JAKMIP3: variants seen among roughly 807,000 people sequenced by gnomAD.
The protein encoded by JAKMIP3 is Janus kinase and microtubule interacting protein 3, also known as janus kinase and microtubule-interacting protein 3.
A neutral mutation model predicts 118.5 loss-of-function variants in JAKMIP3; 58 were observed. The observed-to-expected ratio is 0.49, with a 90% CI of 0.40 to 0.61. The LOEUF (loss-of-function observed/expected upper bound fraction) is 0.61, where lower values mean the gene tolerates loss of function less well. Among genes scored for constraint, JAKMIP3 ranks in the 20% least tolerant of loss-of-function variants. The pLI, the probability that JAKMIP3 is intolerant of heterozygous loss-of-function variation, is 0.00. For synonymous variants in JAKMIP3, 486 were observed against 451.2 expected (o/e 1.08, Z -0.98); for missense variants, 950 against 1,109.0 (o/e 0.86, Z 2.04).
chr10:132,163,332 C>T lies in JAKMIP3; in HGVS notation c.2344C>T (p.Arg782Cys), dbSNP rs974380685. Reference sequence around the variant, plus strand: ...CAAGGTGGCCGTGGAGCAGTGGAAGCGCCAGGTCATGAGTGAGCTGCGCGA... The same window carrying T: ...CAAGGTGGCCGTGGAGCAGTGGAAGTGCCAGGTCATGAGTGAGCTGCGCGA... ...KLKVAVEQWK[R>C]QVMSELRERD... is the part of the protein sequence containing the mutation. Residue 782 changes from arginine to cysteine, a missense_variant, in exon 20 of 24, where the codon CGC becomes TGC. By Grantham distance (180) the Arg-to-Cys change is radical (BLOSUM62 -3). Transcript: ENST00000684848. 5.6e-6 allele frequency: 9 copies of T among 1,609,792 alleles called. No individual in the cohort carries two copies. Among genetic ancestry groups the T allele is most frequent in the East Asian group, 2.2e-5 (1 of 44,838 alleles).
chr10:132,163,496 C>A, intron 20 of JAKMIP3, 84 bp downstream of exon 20: 2 of 1,220,468 alleles, frequency 1.6e-6, no homozygotes, highest in Non-Finnish European at 2.3e-6. Flanking sequence ...CACGGCCACA[C>A]CTCCAACCAC....
intron 1 of JAKMIP3, among the ~76,000 whole-genome samples, chr10:132,074,982 G>T (rs2040545530): frequency 6.6e-6 from 1 of 152,118 alleles, no homozygotes; most frequent in Non-Finnish European, 1.5e-5. Flanking sequence ...AAGATCAGCT[G>T]GTTGTAGGTA....
At position 132,150,619 on chromosome 10, in the gene JAKMIP3, T is replaced by C. The variant is rs537737170; in HGVS notation, c.2007+578T>C. On this transcript the variant is annotated intron_variant, in intron 16 of 23. Transcript: ENST00000684848. ...ATGCTCTGTCTTATATCCATCCATCTATCTATCCTGTGTAATCCATCCATC... is the reference window on the plus strand; with the variant it reads ...ATGCTCTGTCTTATATCCATCCATCCATCTATCCTGTGTAATCCATCCATC... Among the ~76,000 whole-genome samples, 25 of 152,244 alleles carry C rather than the reference T, an allele frequency of 1.6e-4. No individual in the cohort carries two copies. In the South Asian group the frequency reaches 3.1e-3, roughly 19 times the overall value.
At chr10:132,162,351 C>T (rs1342674492) in intron 19 of JAKMIP3, among the ~76,000 whole-genome samples, 1 of 152,226 alleles carries the variant, frequency 6.6e-6, no homozygotes, top group African/African-American at 2.4e-5. Flanking sequence ...GCACGTGAAG[C>T]CACCATGAGG....
intron 2 of JAKMIP3, among the ~76,000 whole-genome samples, chr10:132,116,481 A>C (rs1456055853): frequency 7.0e-6 from 1 of 143,616 alleles, no homozygotes; most frequent in Non-Finnish European, 1.5e-5. Flanking sequence ...GCAACGTGGA[A>C]GCTCCCCCAA....
chr10:132,093,774 G>T (rs551775604), intron 1 of JAKMIP3, among the ~76,000 whole-genome samples: 1 of 152,262 alleles, frequency 6.6e-6, no homozygotes, highest in South Asian at 2.1e-4. Flanking sequence ...GCCCCAGTGA[G>T]ATGAACCCAG....
intron 11 of JAKMIP3, chr10:132,144,643 C>T (rs2054242035): frequency 1.3e-5 from 2 of 155,598 alleles, no homozygotes; most frequent in African/African-American, 2.4e-5. Context: ...AGTTCTCCCT[C>T]CAGGGCTGGG....
intron 19 of JAKMIP3, among the ~76,000 whole-genome samples, chr10:132,155,173 G>A (rs1416730426): frequency 6.7e-6 from 1 of 148,762 alleles, no homozygotes; most frequent in Non-Finnish European, 1.5e-5. Flanking sequence ...TGGTGGTAGT[G>A]GTGGTGATGA....
upstream of JAKMIP3, among the ~76,000 whole-genome samples, chr10:132,064,993 G>A (rs536965699): frequency 3.9e-5 from 6 of 152,312 alleles, no homozygotes; most frequent in South Asian, 1.2e-3. This position sits in a 1 kb window ranked among gnomAD's most constrained non-coding sequence, Gnocchi z 4.4. Flanking sequence ...GGGAGCAGGG[G>A]GGATGTAGGG....
chr10:132,161,518 G>GA (rs2058314529), intron 19 of JAKMIP3, among the ~76,000 whole-genome samples: 1 of 59,222 alleles, frequency 1.7e-5, no homozygotes, highest in Non-Finnish European at 3.3e-5. Flanking sequence ...GTGTGATGCT[G>GA]GGGGGCCTCT....
At chr10:132,065,347 C>T (rs997077060), upstream of JAKMIP3, among the ~76,000 whole-genome samples, 1 of 152,076 alleles carries the variant, frequency 6.6e-6, no homozygotes, top group Non-Finnish European at 1.5e-5. The surrounding 1 kb of genome is among the most constrained non-coding windows in gnomAD (Gnocchi z 5.6). Context: ...GTGTCTGGTT[C>T]CCGTCTGCAT....
Position 132,138,114 on chromosome 10 carries a change from C to A in JAKMIP3, c.1285-5C>A. ...TTACACAACCTCTTCAACTGGCTTC[C>A]GCAGGAGCGGGACAAGCTGTTAAGA... is the stretch of plus-strand genomic sequence containing the variant. On this transcript the variant is annotated splice_polypyrimidine_tract_variant and splice_region_variant and intron_variant, in intron 8 of 23. Transcript: ENST00000684848. 1.2e-6 allele frequency: 2 copies of A among 1,611,334 alleles called. No individual in the cohort carries two copies. The highest frequency in any genetic ancestry group is 1.7e-6 in the Non-Finnish European group (2 of 1,178,824).
upstream of JAKMIP3, among the ~76,000 whole-genome samples, chr10:132,061,190 C>T (rs1011855651): frequency 3.4e-5 from 4 of 116,170 alleles, no homozygotes; most frequent in Non-Finnish European, 8.3e-5. Flanking sequence ...CCTGCCGTGA[C>T]GGCGCACACA....
chr10:132,074,990 G>A (rs1294918716), intron 1 of JAKMIP3, among the ~76,000 whole-genome samples: 1 of 152,114 alleles, frequency 6.6e-6, no homozygotes, highest in Non-Finnish European at 1.5e-5. Context: ...CTGGTTGTAG[G>A]TAAGTGGCTT....
At chr10:132,050,162 T>C (rs1383291037) in intron 1 of JAKMIP3, among the ~76,000 whole-genome samples, 1 of 152,208 alleles carries the variant, frequency 6.6e-6, no homozygotes, top group East Asian at 1.9e-4. Flanking sequence ...ATGTTTTCAA[T>C]TGCATGCCTG....
At chr10:132,180,664 T>TGTGTGC (rs1554963106) in intron 23 of JAKMIP3, among the ~76,000 whole-genome samples, 2 of 31,662 alleles carry the variant, frequency 6.3e-5, no homozygotes, top group African/African-American at 3.7e-4. Context: ...TGTGCGTGTG[T>TGTGTGC]GCGTGTGTGT....
chr10:132,114,124 C>A (rs918394532), intron 2 of JAKMIP3, among the ~76,000 whole-genome samples: 1 of 152,236 alleles, frequency 6.6e-6, no homozygotes, highest in African/African-American at 2.4e-5. Flanking sequence ...CACGTGGTAC[C>A]CACTGAGTCC....
At chr10:132,046,617 A>G (rs971726088) in intron 1 of JAKMIP3, among the ~76,000 whole-genome samples, 3 of 152,130 alleles carry the variant, frequency 2.0e-5, no homozygotes, top group Non-Finnish European at 2.9e-5. Flanking sequence ...TTATTTATCC[A>G]TTCTCCTAGT....
intron 1 of JAKMIP3, among the ~76,000 whole-genome samples, chr10:132,037,577 C>CG (rs1330437028): frequency 4.6e-5 from 7 of 152,124 alleles, no homozygotes; most frequent in African/African-American, 1.7e-4. Flanking sequence ...GAGGATTAAA[C>CG]GCAGGGGTCA....
Sources: gnomAD v4.1 joint callset for allele counts (sites outside exome capture counted in the v4.1 genomes callset) on GRCh38, gnomAD v4.1.1 for gene constraint, Gnocchi (gnomAD v3.1) non-coding constraint, MANE v1.5 for transcripts, NCBI Gene and HGNC (gene_info 2026-07-23, HGNC 2026-07-21) for gene names.